ITGB5: variants seen among roughly 807,000 people sequenced by gnomAD.
ITGB5 encodes the protein integrin beta-5.
Under a neutral mutation model 84.8 loss-of-function variants are expected in ITGB5, and 38 were observed. That is an observed-to-expected ratio of 0.45 (90% CI 0.35 to 0.59). ITGB5 has a LOEUF of 0.59. Among genes scored for constraint, ITGB5 ranks in the 20% least tolerant of loss-of-function variants. The probability of loss-of-function intolerance (pLI) is 0.01; values close to 1 mark genes in which losing one functional copy is unlikely to be tolerated. For missense variants in ITGB5, 905 were observed against 1,034.5 expected, an observed-to-expected ratio of 0.87 and a Z score of 1.72; for synonymous variants, 393 against 414.4, an observed-to-expected ratio of 0.95 and a Z score of 0.63.
upstream of ITGB5, among the ~76,000 whole-genome samples, chr3:124,891,920 A>AAAAAAT (rs1176377854): frequency 6.6e-6 from 1 of 152,048 alleles, no homozygotes; most frequent in Non-Finnish European, 1.5e-5. Flanking sequence ...CTGTCTCAAA[A>AAAAAAT]AAAAATAAAA....
rs113766698 is a variant in ITGB5 at position 124,805,133 on chromosome 3, T to TTCTCTCTCTCTC, written c.1263+3877_1263+3888dup. Among the ~76,000 whole-genome samples, 1,307 of 142,082 alleles carry TTCTCTCTCTCTC rather than the reference T, an allele frequency of 9.2e-3. 28 individuals carry two copies. The highest frequency in any genetic ancestry group is 0.031 in the African/African-American group (1,182 of 38,272). The allele number at this position is 142,082 out of a possible 152,430, so 93.2% of individuals were successfully genotyped here. Reference sequence around the variant, plus strand: ...CCTTCCTTTCCCTTCCTTTCTCCCTTTCTCTCTCTCTCTCTCTTTCTTTCT... The same window carrying TTCTCTCTCTCTC: ...CCTTCCTTTCCCTTCCTTTCTCCCTTTCTCTCTCTCTCTCTCTCTCTCTCTCTCTTTCTTTCT... On this transcript the variant is annotated intron_variant, in intron 9 of 14. Transcript: ENST00000296181.
At chr3:124,777,682 T>C (rs62265637) in intron 10 of ITGB5, among the ~76,000 whole-genome samples, 16,208 of 152,286 alleles carry the variant, frequency 0.11, 1,137 homozygotes, top group South Asian at 0.2. Context: ...GTCCTCCAAG[T>C]AGGTTCTACC....
intron 9 of ITGB5, among the ~76,000 whole-genome samples, chr3:124,799,202 T>TCTCAC (rs2064278818): frequency 6.6e-6 from 1 of 151,544 alleles, no homozygotes. Flanking sequence ...GTACAGGGAG[T>TCTCAC]CTCTCAAGGT....
At chr3:124,799,843 G>A (rs1382505781) in intron 9 of ITGB5, among the ~76,000 whole-genome samples, 1 of 152,316 alleles carries the variant, frequency 6.6e-6, no homozygotes, top group South Asian at 2.1e-4. Flanking sequence ...GGGGTGCGCA[G>A]GGAGAGCCAG....
At chr3:124,855,395 C>T (rs1448724081) in intron 3 of ITGB5, among the ~76,000 whole-genome samples, 2 of 152,104 alleles carry the variant, frequency 1.3e-5, no homozygotes, top group African/African-American at 4.8e-5. Context: ...TACCCTGAGG[C>T]AAATATGCAT....
At chr3:124,817,160 G>A (rs748000653) in intron 8 of ITGB5, among the ~76,000 whole-genome samples, 8 of 152,208 alleles carry the variant, frequency 5.3e-5, no homozygotes, top group African/African-American at 9.6e-5. Context: ...AGGGATTCCC[G>A]CCCTGCCACT....
chr3:124,875,384 C>T (rs563683104), intron 1 of ITGB5, among the ~76,000 whole-genome samples: 2 of 148,216 alleles, frequency 1.3e-5, no homozygotes, highest in East Asian at 2.0e-4. Flanking sequence ...GGCTGAGGCA[C>T]GAGAATCACT....
intron 3 of ITGB5, 110 bp from the exon 4 acceptor site, chr3:124,848,668 G>A: frequency 2.5e-6 from 3 of 1,203,996 alleles, no homozygotes; most frequent in Non-Finnish European, 3.5e-6. Flanking sequence ...TTTAGTGATT[G>A]TGTGCCTCAC....
At chr3:124,843,417 T>C (rs2065036335) in intron 4 of ITGB5, among the ~76,000 whole-genome samples, 1 of 152,172 alleles carries the variant, frequency 6.6e-6, no homozygotes, top group Non-Finnish European at 1.5e-5. Flanking sequence ...GAATAATGAT[T>C]GCTGTTTAAC....
At chr3:124,768,311 T>C (rs554646363) in intron 12 of ITGB5, among the ~76,000 whole-genome samples, 1 of 152,320 alleles carries the variant, frequency 6.6e-6, no homozygotes, top group Non-Finnish European at 1.5e-5. Context: ...GTACAATCAG[T>C]CGTTTTACTC....
rs751018071 is a variant in ITGB5 at position 124,796,794 on chromosome 3, C to T, written c.1287G>A (p.Glu429=). ...TGTGTCTGCTGGGACAGCTTCGGGC[C>T]TCCAATGATACTTCAAAAGATGCCT... ...GDTASFEVSL[E]ARSCPSRHTE... Residue 429 remains glutamate (E), a synonymous_variant, in exon 10 of 15, where the codon GAG becomes GAA. Transcript: ENST00000296181. The T allele has an allele frequency of 6.2e-7, 1 of 1,606,846 alleles. No individual in the cohort carries two copies. Among genetic ancestry groups the T allele is most frequent in the Non-Finnish European group, 8.5e-7 (1 of 1,175,014 alleles).
In ITGB5 at chr3:124,762,388, TAACA is replaced by T. The variant is rs1304261152; in HGVS notation, c.*1231_*1234del. The T allele has an allele frequency of 2.0e-5, 3 of 152,188 alleles. No individual in the cohort carries two copies. Among genetic ancestry groups the T allele is most frequent in the Admixed American group, 2.0e-4 (3 of 15,284 alleles). 9.4% of individuals were successfully genotyped at this position (152,188 alleles called of 1,614,324 possible). A position where few individuals can be genotyped will look rare whatever the true frequency, so the allele number is the denominator to read the frequency against. ...AACAGTTTGTCATTCAGTAACCTCC[TAACA>T]AACACTCGGGCAAGCCACTTCCCCT... On this transcript the variant is annotated 3_prime_UTR_variant, in exon 15 of 15. Transcript: ENST00000296181.
upstream of ITGB5, among the ~76,000 whole-genome samples, chr3:124,892,330 G>T (rs1198529335): frequency 6.6e-6 from 1 of 151,484 alleles, no homozygotes; most frequent in Non-Finnish European, 1.5e-5. Context: ...GGAAATAGAT[G>T]GTAGTAATAA....
chr3:124,824,886 A>G (rs556235632), intron 5 of ITGB5, among the ~76,000 whole-genome samples: 161 of 152,318 alleles, frequency 1.1e-3, no homozygotes, highest in African/African-American at 3.8e-3. Flanking sequence ...AAACTCTGAC[A>G]GTATCAAGTG....
rs1348132106 is a variant in ITGB5, at chr3:124,850,710, AC to A, written c.362-2153del. Among the ~76,000 whole-genome samples, 132 of 97,602 alleles carry A rather than the reference AC, an allele frequency of 1.4e-3. 1 individual carries two copies. The Middle Eastern group carries it at 0.015, about 11-fold the overall frequency. The allele number at this position is 97,602 out of a possible 152,430, so 64.0% of individuals were successfully genotyped here. A position where few individuals can be genotyped will look rare whatever the true frequency, so the allele number is the denominator to read the frequency against. ...AGTATAATAATAATAATTTAAAAAA[AC>A]AAAAAAAAAAACCATCAGAGTCTGA... On this transcript the variant is annotated intron_variant, in intron 3 of 14. Coordinates refer to ENST00000296181, the MANE Select transcript of ITGB5 (RefSeq NM_002213.5).
intron 8 of ITGB5, among the ~76,000 whole-genome samples, chr3:124,817,176 G>A (rs1183108364): frequency 6.6e-6 from 1 of 152,232 alleles, no homozygotes; most frequent in East Asian, 1.9e-4. Context: ...CCACTGTGAG[G>A]TGAGCTCAGC....
At chr3:124,845,186 A>G (rs2065060993) in intron 4 of ITGB5, among the ~76,000 whole-genome samples, 1 of 152,350 alleles carries the variant, frequency 6.6e-6, no homozygotes, top group Admixed American at 6.5e-5. Flanking sequence ...TAATCTCAGC[A>G]CTTTGGGAAG....
chr3:124,887,661 C>T, upstream of ITGB5: 2 of 448,618 alleles, frequency 4.5e-6, no homozygotes, highest in Middle Eastern at 3.3e-4. Context: ...AGCCGCCCGT[C>T]GCCACGGGAA....
chr3:124,897,896 C>T (rs1040688173), intron 1 of ITGB5, among the ~76,000 whole-genome samples: 6 of 152,174 alleles, frequency 3.9e-5, no homozygotes, highest in Non-Finnish European at 8.8e-5. Context: ...TTCCCCCTGC[C>T]TCCCTTGGGG....
Sources: gnomAD v4.1 joint callset for allele counts (sites outside exome capture counted in the v4.1 genomes callset) on GRCh38, gnomAD v4.1.1 for gene constraint, MANE v1.5 for transcripts, NCBI Gene and HGNC (gene_info 2026-07-23, HGNC 2026-07-21) for gene names.